Variants in DISC1 observed in about 807,000 individuals in gnomAD.
DISC1 encodes the protein disrupted in schizophrenia 1 protein.
A neutral mutation model predicts 84.5 loss-of-function variants in DISC1; 57 were observed. The ratio of observed to expected loss-of-function variants is 0.67; its 90% CI spans 0.55 to 0.84. DISC1 has a LOEUF of 0.84. DISC1 is among the 40% of genes least tolerant of loss of function. The pLI is 0.00. For missense variants in DISC1, 1,000 were observed against 1,057.8 expected (o/e 0.95, Z 0.76); for synonymous variants, 411 against 415.2 (o/e 0.99, Z 0.12).
chr1:231,632,165 T>C (rs1238388881), intron 1 of DISC1, among the ~76,000 whole-genome samples: 1 of 152,226 alleles, frequency 6.6e-6, no homozygotes, highest in African/African-American at 2.4e-5. Context: ...TGTCATAGCC[T>C]ATACCATCTA....
At chr1:231,681,752 A>G (rs1009420230) in intron 1 of DISC1, among the ~76,000 whole-genome samples, 1 of 151,830 alleles carries the variant, frequency 6.6e-6, no homozygotes, top group Non-Finnish European at 1.5e-5. Flanking sequence ...CTGGAGTGCA[A>G]TGGCACGATC....
intron 8 of DISC1, among the ~76,000 whole-genome samples, chr1:231,801,850 G>A (rs1055849767): frequency 6.1e-5 from 9 of 148,290 alleles, no homozygotes; most frequent in Admixed American, 1.3e-4. Context: ...TCAGAGTCTC[G>A]TTCAGTCGCC....
intron 3 of DISC1, chr1:231,720,769 T>A (rs890742439): frequency 4.6e-6 from 5 of 1,091,848 alleles, no homozygotes; most frequent in Admixed American, 4.6e-5. Context: ...TTCTTAAGTT[T>A]GTTCCTTCTC....
intron 10 of DISC1, among the ~76,000 whole-genome samples, chr1:231,969,595 TTTC>T (rs202243368): frequency 0.025 from 1,803 of 72,760 alleles, 32 homozygotes; most frequent in South Asian, 0.13. Context: ...TCTTTCTTTC[TTTC>T]TTTTTTTTTT....
At chr1:231,629,155 T>C (rs181948302) in intron 1 of DISC1, among the ~76,000 whole-genome samples, 3 of 152,228 alleles carry the variant, frequency 2.0e-5, no homozygotes, top group Admixed American at 1.3e-4. Flanking sequence ...CTTTAAACTA[T>C]CTTCTTGTAA....
At chr1:231,886,733 C>CT (rs1268373196) in intron 9 of DISC1, among the ~76,000 whole-genome samples, 8 of 151,916 alleles carry the variant, frequency 5.3e-5, no homozygotes, top group Admixed American at 5.2e-4. Context: ...ACAGACCTGA[C>CT]TTTCTTTCTC....
chr1:231,864,791 T>G (rs755058822), intron 9 of DISC1, among the ~76,000 whole-genome samples: 3 of 152,236 alleles, frequency 2.0e-5, no homozygotes, highest in Admixed American at 6.5e-5. Flanking sequence ...ACAAAAATTC[T>G]TGTATATTGT....
At position 231,958,975 on chromosome 1, in the gene DISC1, G is replaced by T; in HGVS notation, c.2042+87G>T. The T allele has an allele frequency of 2.7e-6, 4 of 1,504,052 alleles. 1 individual carries two copies. The highest frequency in any genetic ancestry group is 2.7e-5 in the South Asian group (2 of 74,754). The allele number at this position is 1,504,052 out of a possible 1,614,324, so 93.2% of individuals were successfully genotyped here. On this transcript the variant is annotated intron_variant, in intron 10 of 12. Coordinates refer to ENST00000439617, the MANE Select transcript of DISC1 (RefSeq NM_018662.3). The stretch of plus-strand genomic sequence containing the variant: ...GAATTTAGTTAAATCGATGAAAAAG[G>T]CTGGCCAGTTTCTCTAATAAATTAA...
chr1:231,946,192 C>A (rs1657161578), intron 9 of DISC1, among the ~76,000 whole-genome samples: 1 of 152,164 alleles, frequency 6.6e-6, no homozygotes, highest in African/African-American at 2.4e-5. Context: ...TTCTGATGAA[C>A]ATAGATGTGA....
At chr1:231,769,234 A>G (rs1202430401) in intron 5 of DISC1, among the ~76,000 whole-genome samples, 7 of 152,138 alleles carry the variant, frequency 4.6e-5, no homozygotes, top group African/African-American at 1.7e-4. Context: ...AAATTGATTG[A>G]CTGTGTGGTC....
intron 4 of DISC1, among the ~76,000 whole-genome samples, chr1:231,751,183 TC>T (rs892357264): frequency 2.6e-5 from 4 of 152,246 alleles, no homozygotes; most frequent in African/African-American, 9.6e-5. Flanking sequence ...CATTGCGTGT[TC>T]CTCTTTCACA....
intron 9 of DISC1, among the ~76,000 whole-genome samples, chr1:231,885,966 G>C (rs184015991): frequency 9.9e-5 from 15 of 152,278 alleles, no homozygotes; most frequent in African/African-American, 3.1e-4. Flanking sequence ...TCTGGAGACT[G>C]GGAAGTTCAA....
At chr1:231,627,344 C>A (rs2058348090) in intron 1 of DISC1, among the ~76,000 whole-genome samples, 2 of 152,234 alleles carry the variant, frequency 1.3e-5, no homozygotes, top group African/African-American at 4.8e-5. Flanking sequence ...GCCTGCGCCC[C>A]CTCGGGACAG....
At chr1:231,919,209 A>G (rs1056864434) in intron 9 of DISC1, among the ~76,000 whole-genome samples, 8 of 152,218 alleles carry the variant, frequency 5.3e-5, no homozygotes, top group African/African-American at 1.9e-4. Flanking sequence ...ATACCAGCTC[A>G]GTGGCACTAA....
intron 10 of DISC1, among the ~76,000 whole-genome samples, chr1:231,998,268 T>C (rs1415548067): frequency 6.6e-6 from 1 of 151,660 alleles, no homozygotes; most frequent in African/African-American, 2.4e-5. Context: ...AATAGCAATA[T>C]GAAGATCAAC....
In DISC1 at chr1:231,776,725, A is replaced by G. The variant is rs943236688; in HGVS notation, c.1634+5655A>G. Among the ~76,000 whole-genome samples, 13 of 152,228 alleles carry G rather than the reference A, an allele frequency of 8.5e-5. No homozygotes were observed. In the East Asian group the frequency reaches 2.1e-3, roughly 25 times the overall value. ...TGCAAGTGAGATTTGAAATAATGTA[A>G]TTCACCAGCTCACAACTGAATGGGA... On this transcript the variant is annotated intron_variant, in intron 6 of 12. Coordinates refer to ENST00000439617, the MANE Select transcript of DISC1 (RefSeq NM_018662.3).
chr1:231,701,658 CATT>C (rs1307475548), intron 2 of DISC1, among the ~76,000 whole-genome samples: 2 of 152,272 alleles, frequency 1.3e-5, no homozygotes, highest in East Asian at 3.9e-4. Flanking sequence ...TATTCCTTCT[CATT>C]ATGCATTTCT....
At position 231,634,625 on chromosome 1, in the gene DISC1, G is replaced by A. The variant is rs190779827; in HGVS notation, c.67+7691G>A. Among the ~76,000 whole-genome samples the A allele has an allele frequency of 2.2e-3, 336 of 152,254 alleles. 2 individuals are homozygous for A. Among genetic ancestry groups the A allele is most frequent in the African/African-American group, 7.7e-3 (319 of 41,542 alleles). ...TCTATTAATCATTTTGTGTTCCTTAGTTTATAGAATTATCTCCTAGAGACA... is the reference window on the plus strand; with the variant it reads ...TCTATTAATCATTTTGTGTTCCTTAATTTATAGAATTATCTCCTAGAGACA... On this transcript the variant is annotated intron_variant, in intron 1 of 12. Transcript: ENST00000439617.
At chr1:231,892,821 G>C (rs2087350059) in intron 9 of DISC1, among the ~76,000 whole-genome samples, 4 of 152,104 alleles carry the variant, frequency 2.6e-5, no homozygotes, top group Admixed American at 2.6e-4. Context: ...CCTAGAGTAG[G>C]GAGTATCTCA....
Sources: allele counts gnomAD v4.1 joint callset (sites outside exome capture counted in the v4.1 genomes callset), GRCh38; gene constraint gnomAD v4.1.1; transcripts MANE v1.5; gene names NCBI Gene and HGNC (gene_info 2026-07-23, HGNC 2026-07-21).